Variants in ZFAND3 observed in about 807,000 individuals in gnomAD.
The protein encoded by ZFAND3 is zinc finger AN1-type containing 3, also known as AN1-type zinc finger protein 3.
A neutral mutation model predicts 29.6 loss-of-function variants in ZFAND3; 10 were observed. The ratio of observed to expected loss-of-function variants is 0.34; its 90% CI spans 0.21 to 0.57. The LOEUF (loss-of-function observed/expected upper bound fraction) is 0.57. ZFAND3 is among the 20% of genes least tolerant of loss of function. ZFAND3 has a pLI of 0.86. For missense variants in ZFAND3, 230 were observed against 304.5 expected (o/e 0.76, Z 1.82); for synonymous variants, 128 against 112.6 (o/e 1.14, Z -0.87).
At chr6:37,923,253 C>G (rs1018677322) in intron 1 of ZFAND3, among the ~76,000 whole-genome samples, 4 of 152,124 alleles carry the variant, frequency 2.6e-5, no homozygotes, top group Admixed American at 2.0e-4. Context: ...GGCCTGGCAC[C>G]TTTATTTAAA....
chr6:38,001,865 T>A (rs901308727), intron 2 of ZFAND3, among the ~76,000 whole-genome samples: 3 of 152,188 alleles, frequency 2.0e-5, no homozygotes, highest in Non-Finnish European at 2.9e-5. Context: ...CACAAGAGAA[T>A]TGAGTTATGG....
chr6:37,952,208 T>C (rs1762010537), intron 2 of ZFAND3, among the ~76,000 whole-genome samples: 1 of 152,190 alleles, frequency 6.6e-6, no homozygotes, highest in Non-Finnish European at 1.5e-5. Context: ...AGAATGATGC[T>C]GACCTCATAG....
At chr6:37,930,740 T>C (rs1369199820) in intron 2 of ZFAND3, among the ~76,000 whole-genome samples, 2 of 152,230 alleles carry the variant, frequency 1.3e-5, no homozygotes, top group African/African-American at 4.8e-5. Flanking sequence ...TTATTTTTAC[T>C]TTTTAAAAAA....
intron 1 of ZFAND3, among the ~76,000 whole-genome samples, chr6:37,859,464 C>G (rs1764441170): frequency 6.6e-6 from 1 of 152,222 alleles, no homozygotes; most frequent in Non-Finnish European, 1.5e-5. Flanking sequence ...GTAGTTGTCA[C>G]CAGAGACTTT....
At chr6:38,089,036 A>G (rs1764811945) in intron 4 of ZFAND3, among the ~76,000 whole-genome samples, 1 of 152,190 alleles carries the variant, frequency 6.6e-6, no homozygotes, top group African/African-American at 2.4e-5. Flanking sequence ...AAACAGTGAC[A>G]TGAACTAGAA....
At chr6:37,932,390 G>A (rs1761615409) in intron 2 of ZFAND3, among the ~76,000 whole-genome samples, 1 of 152,196 alleles carries the variant, frequency 6.6e-6, no homozygotes, top group Non-Finnish European at 1.5e-5. Flanking sequence ...GAAAGTAGCA[G>A]TGAGACAAAA....
intron 2 of ZFAND3, among the ~76,000 whole-genome samples, chr6:37,949,543 G>T (rs1194928558): frequency 6.6e-6 from 1 of 152,124 alleles, no homozygotes; most frequent in Non-Finnish European, 1.5e-5. Flanking sequence ...CCCCAAGACT[G>T]CTCCCTCCTT....
At chr6:37,910,299 TA>T (rs1340036334) in intron 1 of ZFAND3, among the ~76,000 whole-genome samples, 2 of 151,850 alleles carry the variant, frequency 1.3e-5, no homozygotes, top group Non-Finnish European at 2.9e-5. Flanking sequence ...CATACTAGTT[TA>T]AAATGATTAA....
At chr6:37,835,683 T>G (rs1763954558) in intron 1 of ZFAND3, among the ~76,000 whole-genome samples, 1 of 152,186 alleles carries the variant, frequency 6.6e-6, no homozygotes. Flanking sequence ...ATAGCCTTAG[T>G]CCCACTTAGT....
At chr6:37,923,861 C>G (rs898085119) in intron 1 of ZFAND3, among the ~76,000 whole-genome samples, 1 of 152,018 alleles carries the variant, frequency 6.6e-6, no homozygotes, top group Non-Finnish European at 1.5e-5. Context: ...AAAATGAACA[C>G]CTGTGAACAT....
chr6:38,041,629 T>TAC (rs1561976589), intron 2 of ZFAND3, among the ~76,000 whole-genome samples: 8 of 67,688 alleles, frequency 1.2e-4, no homozygotes, highest in African/African-American at 3.8e-4. Context: ...TTTTATCTAC[T>TAC]TTTTCTTCTT....
chr6:38,135,926 C>T (rs1765834327), intron 5 of ZFAND3, among the ~76,000 whole-genome samples: 1 of 152,144 alleles, frequency 6.6e-6, no homozygotes, highest in Non-Finnish European at 1.5e-5. Context: ...GCAGTCATAG[C>T]TGTGGATTTC....
Position 38,102,181 on chromosome 6 carries a change from G to A in ZFAND3, c.362-14391G>A, listed in dbSNP as rs1244736484. On this transcript the variant is annotated intron_variant, in intron 4 of 5. Transcript: ENST00000287218. ...TTCTTCATCTTCATCTTATTGTTGA[G>A]TACCAGTAGAGTACTGAACATAGCT... Among the ~76,000 whole-genome samples, 4 of 151,272 alleles carry A rather than the reference G, an allele frequency of 2.6e-5. No individual in the cohort carries two copies. The East Asian group carries it at 7.7e-4, about 29-fold the overall frequency.
chr6:37,949,703 G>A (rs1180062813), intron 2 of ZFAND3, among the ~76,000 whole-genome samples: 1 of 152,202 alleles, frequency 6.6e-6, no homozygotes, highest in Non-Finnish European at 1.5e-5. Context: ...TATTTTAAAG[G>A]ATACAGATAA....
intron 1 of ZFAND3, among the ~76,000 whole-genome samples, chr6:37,866,575 T>C (rs540835747): frequency 3.9e-5 from 6 of 152,228 alleles, no homozygotes; most frequent in Non-Finnish European, 7.3e-5. Context: ...AAAGTAGTCA[T>C]GTTAAGGCTG....
intron 2 of ZFAND3, among the ~76,000 whole-genome samples, chr6:37,989,228 A>T (rs1193590813): frequency 6.6e-6 from 1 of 152,190 alleles, no homozygotes; most frequent in Non-Finnish European, 1.5e-5. Flanking sequence ...TTTAAGGTAT[A>T]CCAGGTACTA....
chr6:37,983,068 G>T (rs906379494), intron 2 of ZFAND3, among the ~76,000 whole-genome samples: 6 of 152,330 alleles, frequency 3.9e-5, no homozygotes, highest in Non-Finnish European at 8.8e-5. Context: ...GCTGTACATT[G>T]TGTTTGTGTT....
At chr6:38,078,326 GC>G (rs1028612119) in intron 3 of ZFAND3, among the ~76,000 whole-genome samples, 37 of 152,234 alleles carry the variant, frequency 2.4e-4, no homozygotes, top group African/African-American at 8.7e-4. Flanking sequence ...GTTACCAGAG[GC>G]TTTATTCACA....
At chr6:37,944,488 G>A (rs988176558) in intron 2 of ZFAND3, among the ~76,000 whole-genome samples, 7 of 152,126 alleles carry the variant, frequency 4.6e-5, no homozygotes, top group Non-Finnish European at 8.8e-5. Context: ...GGCCCTACAA[G>A]AGGAGGAGCC....
Sources: gnomAD v4.1 joint callset for allele counts (sites outside exome capture counted in the v4.1 genomes callset) on GRCh38, gnomAD v4.1.1 for gene constraint, MANE v1.5 for transcripts, NCBI Gene and HGNC (gene_info 2026-07-23, HGNC 2026-07-21) for gene names.